BAHCC1: variants seen among roughly 807,000 people sequenced by gnomAD.
BAHCC1 encodes BAH and coiled-coil domain-containing protein 1.
A neutral mutation model predicts 88.2 loss-of-function variants in BAHCC1; 43 were observed. The observed-to-expected ratio is 0.49, with a 90% CI of 0.38 to 0.63. The LOEUF (loss-of-function observed/expected upper bound fraction) is 0.63. Among genes scored for constraint, BAHCC1 ranks in the 20% least tolerant of loss-of-function variants. BAHCC1 has a pLI of 0.00. For synonymous variants in BAHCC1, 1,510 were observed against 745.5 expected, an observed-to-expected ratio of 2.03 and a Z score of -16.71; for missense variants, 3,023 against 1,654.8, an observed-to-expected ratio of 1.83 and a Z score of -14.34.
rs1043030966 is a variant in BAHCC1, at chr17:81,427,156, G to A, written c.358+177G>A. Among the ~76,000 whole-genome samples, 170 of 152,316 alleles carry A rather than the reference G, an allele frequency of 1.1e-3. 4 individuals are homozygous for A. In the South Asian group the frequency reaches 0.033, roughly 30 times the overall value. ...TGCCGAGGAAGCCCCGGGGGAAGTGGTGATTGGTTGGAAACAAGGGCAGCC... is the reference window on the plus strand; with the variant it reads ...TGCCGAGGAAGCCCCGGGGGAAGTGATGATTGGTTGGAAACAAGGGCAGCC... On this transcript the variant is annotated intron_variant, in intron 3 of 27. Coordinates refer to ENST00000675386, the MANE Select transcript of BAHCC1 (RefSeq NM_001377448.1).
In BAHCC1 at chr17:81,443,327, G is replaced by T; in HGVS notation, c.1978G>T (p.Ala660Ser). The T allele has an allele frequency of 1.3e-6, 1 of 779,250 alleles. No individual in the cohort carries two copies. The highest frequency in any genetic ancestry group is 2.4e-6 in the Non-Finnish European group (1 of 417,776). 48.3% of individuals were successfully genotyped at this position (779,250 alleles called of 1,614,324 possible). ...APLVGLGGLK[A>S]SCIQQEAKFL... ...CTTGGTGGGCCTGGGTGGCCTCAAG[G>T]CCAGCTGCATCCAGCAGGAAGCAAA... Residue 660 changes from alanine (A) to serine (S), a missense_variant, in exon 5 of 28, where the codon GCC becomes TCC. Coordinates refer to ENST00000675386, the MANE Select transcript of BAHCC1 (RefSeq NM_001377448.1).
rs536669986 is a variant in BAHCC1 at position 81,419,613 on chromosome 17, TG to T, written c.179-7186del. Reference sequence around the variant, plus strand: ...CCAGTGCCGAGGGAAGAGGGGAGCCTGAGTGGGTGTGGGTCGGGGGTGGGAG... The same window carrying T: ...CCAGTGCCGAGGGAAGAGGGGAGCCTAGTGGGTGTGGGTCGGGGGTGGGAG... On this transcript the variant is annotated intron_variant, in intron 2 of 27. Coordinates refer to ENST00000675386, the MANE Select transcript of BAHCC1 (RefSeq NM_001377448.1). Among the ~76,000 whole-genome samples the T allele has an allele frequency of 3.8e-4, 54 of 143,748 alleles. No individual in the cohort carries two copies. In the South Asian group the frequency reaches 0.011, roughly 30 times the overall value. 94.3% of individuals were successfully genotyped at this position (143,748 alleles called of 152,430 possible).
intron 14 of BAHCC1, 138 bp downstream of exon 14, chr17:81,452,989 C>T: frequency 1.7e-6 from 1 of 574,766 alleles, no homozygotes; most frequent in Non-Finnish European, 3.0e-6. Context: ...CCTGGCCCTG[C>T]CCTTCCTAGA....
intron 2 of BAHCC1, among the ~76,000 whole-genome samples, chr17:81,415,820 C>T (rs781993038): frequency 2.0e-5 from 3 of 152,246 alleles, no homozygotes; most frequent in Non-Finnish European, 2.9e-5. Flanking sequence ...TAGTTTCTCT[C>T]ACCTGGGTGC....
At chr17:81,459,013 G>A (rs781903875) in intron 20 of BAHCC1, 41 bp from the exon 21 acceptor site, 2 of 725,150 alleles carry the variant, frequency 2.8e-6, no homozygotes, top group Non-Finnish European at 2.6e-6. Context: ...GGGAGGGGTG[G>A]TGGGTAGGCC....
rs976982616 is a variant in BAHCC1 at position 81,435,873 on chromosome 17, C to G, written c.359-2497C>G. 2.0e-5 allele frequency among the ~76,000 whole-genome samples: 3 copies of G among 152,230 alleles called. No homozygotes were observed. Among genetic ancestry groups the G allele is most frequent in the African/African-American group, 7.2e-5 (3 of 41,462 alleles). On this transcript the variant is annotated intron_variant, in intron 3 of 27. Transcript: ENST00000675386. This position sits in a 1 kb window ranked among gnomAD's most constrained non-coding sequence, Gnocchi z 4.4. ...GTGTCCCCGGCCCAGCCACAGCAGC[C>G]CTGCCTTCTGGCTTCTGGCCTCAGA...
chr17:81,456,317 G>C lies in BAHCC1; in HGVS notation c.4590G>C (p.Lys1530Asn). Residue 1530 changes from lysine to asparagine, a missense_variant, in exon 16 of 28, where the codon AAG becomes AAC. Transcript: ENST00000675386. The part of the protein sequence containing the change: ...TASVEKAQCK[K>N]SSCQGGLAPS... ...CACAGGAGAAGGCGCAGTGTAAGAAGAGCAGCTGTCAGGGCGGGCTGGCGC... is the reference window on the plus strand; with the variant it reads ...CACAGGAGAAGGCGCAGTGTAAGAACAGCAGCTGTCAGGGCGGGCTGGCGC... 1.4e-6 allele frequency: 1 copy of C among 719,864 alleles called. No homozygotes were observed. Among genetic ancestry groups the C allele is most frequent in the African/African-American group, 1.7e-5 (1 of 57,438 alleles). The allele number at this position is 719,864 out of a possible 1,614,324, so 44.6% of individuals were successfully genotyped here. A position where few individuals can be genotyped will look rare whatever the true frequency, so the allele number is the denominator to read the frequency against.
rs868918060 is a variant in BAHCC1, at chr17:81,461,193, C to A, written c.6530C>A (p.Pro2177His). The change falls in exon 26 of 28, where the codon CCC (proline) becomes CAC (histidine). Residue 2177 changes from proline (P) to histidine (H), a missense_variant. Pro to His is a moderately conservative substitution (Grantham distance 77). Transcript: ENST00000675386. ...PFVGGTGPGL[P>H]RGAHKLLRAK... is the part of the protein sequence containing the mutation. ...GTCGGGGGGACCGGGCCGGGCCTCC[C>A]CAGGGGAGCCCACAAGCTGCTGCGG... 1.4e-6 allele frequency: 1 copy of A among 737,500 alleles called. No homozygotes were observed. Among genetic ancestry groups the A allele is most frequent in the Admixed American group, 1.9e-5 (1 of 53,606 alleles). The allele number at this position is 737,500 out of a possible 1,614,324, so 45.7% of individuals were successfully genotyped here.
chr17:81,408,158 G>A (rs1189305377), intron 2 of BAHCC1, among the ~76,000 whole-genome samples: 3 of 152,166 alleles, frequency 2.0e-5, no homozygotes, highest in Non-Finnish European at 4.4e-5. Flanking sequence ...GCCCTTTCCT[G>A]AGCTCTTGCT....
intron 2 of BAHCC1, among the ~76,000 whole-genome samples, chr17:81,417,844 G>A (rs1209398458): frequency 6.6e-6 from 1 of 152,214 alleles, no homozygotes; most frequent in South Asian, 2.1e-4. Flanking sequence ...TCCTGGGCGG[G>A]CGCCCCTCCC....
At position 81,442,497 on chromosome 17, in the gene BAHCC1, C is replaced by G; in HGVS notation, c.1148C>G (p.Ala383Gly). 3 of 715,250 alleles carry G rather than the reference C, an allele frequency of 4.2e-6. No homozygotes were observed. Among genetic ancestry groups the G allele is most frequent in the South Asian group, 1.5e-5 (1 of 66,618 alleles). 44.3% of individuals were successfully genotyped at this position (715,250 alleles called of 1,614,324 possible). The change falls in exon 5 of 28, where the codon GCC becomes GGC. Residue 383 changes from alanine (A) to glycine (G), a missense_variant. Ala to Gly is a moderately conservative substitution (Grantham distance 60). Transcript: ENST00000675386. The part of the protein sequence containing the change: ...PDGLCPLQDK[A>G]PRDLKASGPT... ...GGGCTCTGCCCGCTGCAGGACAAAG[C>G]CCCCCGGGACCTAAAGGCCAGCGGG...
Position 81,462,796 on chromosome 17 carries a change from C to T in BAHCC1, c.7440C>T (p.Gly2480=), listed in dbSNP as rs370366199. The T allele has an allele frequency of 1.0e-5, 8 of 779,812 alleles. No individual in the cohort carries two copies. Among genetic ancestry groups the T allele is most frequent in the East Asian group, 4.8e-5 (2 of 41,252 alleles). The allele number at this position is 779,812 out of a possible 1,614,324, so 48.3% of individuals were successfully genotyped here. The change falls in exon 27 of 28, where the codon GGC becomes GGT. Residue 2480 remains glycine, a synonymous_variant. Transcript: ENST00000675386. The part of the protein sequence containing the change: ...RKLFYKAIVR[G]EETLRVGDCA... ...TGTTCTACAAGGCCATCGTGCGGGG[C>T]GAGGAGACCCTGCGTGTCGGGGACT...
intron 19 of BAHCC1, 39 bp from the exon 20 acceptor site, chr17:81,458,774 G>GCCTGCACCCCA (rs782351761): frequency 2.7e-6 from 2 of 754,608 alleles, no homozygotes; most frequent in Non-Finnish European, 4.9e-6. Flanking sequence ...CCTGCACCCC[G>GCCTGCACCCCA]CCTGCACCCC....
rs945894286 is a variant in BAHCC1, at chr17:81,456,704, T to C, written c.4858+119T>C. The C allele has an allele frequency of 6.6e-6, 4 of 602,412 alleles. No homozygotes were observed. The Admixed American group carries it at 9.1e-5, about 14-fold the overall frequency. 37.3% of individuals were successfully genotyped at this position (602,412 alleles called of 1,614,324 possible). The stretch of plus-strand genomic sequence containing the variant: ...GGGCTGGGTCATGGCTTGTGGGGTG[T>C]GACAGGTCCAAGGAGACGTTTTCAC... On this transcript the variant is annotated intron_variant, in intron 16 of 27. Coordinates refer to ENST00000675386, the MANE Select transcript of BAHCC1 (RefSeq NM_001377448.1).
chr17:81,441,681 A>G (rs2143507366), intron 4 of BAHCC1, 150 bp from the exon 5 acceptor site: 1 of 418,992 alleles, frequency 2.4e-6, no homozygotes, highest in African/African-American at 2.0e-5. Flanking sequence ...AAAAAAAAAA[A>G]AAAAAAAAAG....
intron 4 of BAHCC1, 117 bp from the exon 5 acceptor site, chr17:81,441,714 T>TTTTC (rs2064420021): frequency 2.1e-6 from 1 of 467,726 alleles, no homozygotes; most frequent in African/African-American, 2.0e-5. Context: ...CCCTAGGCTG[T>TTTTC]AACCTGGAGT....
At chr17:81,418,783 G>GCGTA (rs1285723252) in intron 2 of BAHCC1, among the ~76,000 whole-genome samples, 1 of 102,976 alleles carries the variant, frequency 9.7e-6, no homozygotes, top group Non-Finnish European at 2.1e-5. Context: ...GTACGTGTGT[G>GCGTA]TGTACGTGTG....
In BAHCC1 at chr17:81,407,279, G is replaced by A. The variant is rs575033085; in HGVS notation, c.178+7362G>A. ...CTCCCTGAAGCGGAGGGTGACATTG[G>A]GGGGCAGTGCCTTCTTGGGGTACCC... On this transcript the variant is annotated intron_variant, in intron 2 of 27. Transcript: ENST00000675386. 2.4e-4 allele frequency: 125 copies of A among 512,266 alleles called. 1 individual carries two copies. The highest frequency in any genetic ancestry group is 1.7e-3 in the South Asian group (120 of 71,306). 31.7% of individuals were successfully genotyped at this position (512,266 alleles called of 1,614,324 possible). A position where few individuals can be genotyped will look rare whatever the true frequency, so the allele number is the denominator to read the frequency against.
intron 2 of BAHCC1, among the ~76,000 whole-genome samples, chr17:81,421,455 G>T (rs1460326757): frequency 6.6e-6 from 1 of 152,238 alleles, no homozygotes; most frequent in Non-Finnish European, 1.5e-5. Context: ...CTCTGTCCTG[G>T]GGTTTCCCGG....
Sources: gnomAD v4.1 joint callset for allele counts (sites outside exome capture counted in the v4.1 genomes callset) on GRCh38, gnomAD v4.1.1 for gene constraint, Gnocchi (gnomAD v3.1) non-coding constraint, MANE v1.5 for transcripts, NCBI Gene and HGNC (gene_info 2026-07-23, HGNC 2026-07-21) for gene names.